Variants in DCLRE1C observed in about 807,000 individuals in gnomAD.
DCLRE1C encodes protein artemis.
Under a neutral mutation model 61.4 loss-of-function variants are expected in DCLRE1C, and 47 were observed. The ratio of observed to expected loss-of-function variants is 0.77; its 90% confidence interval spans 0.61 to 0.98. The LOEUF is 0.98. Among genes scored for constraint, DCLRE1C ranks in the 50% least tolerant of loss-of-function variants. The pLI, the probability that DCLRE1C is intolerant of heterozygous loss-of-function variation, is 0.00. For missense variants in DCLRE1C, 858 were observed against 816.0 expected (o/e 1.05, Z -0.63); for synonymous variants, 337 against 287.6 (o/e 1.17, Z -1.74).
chr10:14,919,670 C>A, intron 13 of DCLRE1C, 68 bp downstream of exon 13: 3 of 1,278,110 alleles, frequency 2.3e-6, no homozygotes, highest in Non-Finnish European at 3.4e-6. Flanking sequence ...TTCTCCCAGA[C>A]CCAAGCTCCC....
At chr10:14,916,040 A>T (rs369049606) in intron 13 of DCLRE1C, among the ~76,000 whole-genome samples, 4 of 152,328 alleles carry the variant, frequency 2.6e-5, no homozygotes, top group Admixed American at 1.3e-4. Flanking sequence ...CGTTAGACAA[A>T]ACCCATTATC....
intron 13 of DCLRE1C, among the ~76,000 whole-genome samples, chr10:14,918,766 T>G (rs899584259): frequency 7.2e-5 from 11 of 151,952 alleles, no homozygotes; most frequent in African/African-American, 2.4e-4. Context: ...ACAAATGTGG[T>G]TTTTTTTGGG....
chr10:14,933,069 C>A (rs543348005), intron 8 of DCLRE1C, 114 bp from the exon 9 acceptor site: 217 of 1,228,422 alleles, frequency 1.8e-4, no homozygotes, highest in Non-Finnish European at 2.4e-4. Flanking sequence ...TCTCTTCTTT[C>A]TTGAAAAGTA....
chr10:14,936,228 T>C (rs1056355498), intron 5 of DCLRE1C, among the ~76,000 whole-genome samples: 1 of 151,922 alleles, frequency 6.6e-6, no homozygotes, highest in African/African-American at 2.4e-5. Flanking sequence ...ACGTTTCAAA[T>C]CTGATCTTCA....
upstream of DCLRE1C, chr10:14,954,317 C>T (rs997752895): frequency 3.9e-5 from 19 of 488,034 alleles, no homozygotes; most frequent in Non-Finnish European, 6.0e-5. Context: ...AAGGCGTTGC[C>T]CATGTCTGTG....
chr10:14,926,211 T>C (rs1837950100), intron 11 of DCLRE1C, among the ~76,000 whole-genome samples: 1 of 152,176 alleles, frequency 6.6e-6, no homozygotes, highest in African/African-American at 2.4e-5. Context: ...AGGCAGAGCA[T>C]TGCCTTGTTC....
chr10:14,952,279 C>A lies in DCLRE1C; in HGVS notation c.109+1623G>T, dbSNP rs115442413. Among the ~76,000 whole-genome samples the A allele has an allele frequency of 2.1e-3, 316 of 152,226 alleles. 1 individual carries two copies. The highest frequency in any genetic ancestry group is 7.2e-3 in the African/African-American group (300 of 41,518). ...GCATATCCTCGTCCAGCAGTGGATT[C>A]TCAATGAAAAACAAAACCAGAAATG... On this transcript the variant is annotated intron_variant, in intron 1 of 13. Transcript: ENST00000378278.
rs753348590 is a variant in DCLRE1C at position 14,949,016 on chromosome 10, C to T, written c.161+20G>A. On this transcript the variant is annotated intron_variant, in intron 2 of 13. Transcript: ENST00000378278. ...CAATTAAAATGTTTGCTTAAAAACA[C>T]AAGTAGCAAAATAAATTACCTGCAC... is the stretch of plus-strand genomic sequence containing the variant. 6.3e-7 allele frequency: 1 copy of T among 1,579,424 alleles called. No homozygotes were observed. Among genetic ancestry groups the T allele is most frequent in the South Asian group, 1.1e-5 (1 of 90,086 alleles).
At chr10:14,936,823 C>T (rs1448828877) in intron 4 of DCLRE1C, among the ~76,000 whole-genome samples, 2 of 152,124 alleles carry the variant, frequency 1.3e-5, no homozygotes, top group African/African-American at 2.4e-5. Flanking sequence ...CCAAGATAAG[C>T]GAAAACCGAT....
At chr10:14,917,109 T>C (rs994048377) in intron 13 of DCLRE1C, among the ~76,000 whole-genome samples, 16 of 152,186 alleles carry the variant, frequency 1.1e-4, no homozygotes, top group African/African-American at 3.1e-4. Context: ...ATCTTGTAAA[T>C]TGACTCTCAA....
At chr10:14,936,445 G>A (rs1222800615) in intron 5 of DCLRE1C, 93 bp downstream of exon 5, 15 of 962,476 alleles carry the variant, frequency 1.6e-5, no homozygotes, top group Non-Finnish European at 2.4e-5. Context: ...ACTGCACCCA[G>A]CCCCCTATTA....
At chr10:14,942,405 C>A (rs1449355247) in intron 3 of DCLRE1C, 6 of 152,246 alleles carry the variant, frequency 3.9e-5, no homozygotes, top group African/African-American at 1.4e-4. Context: ...ATGCCAGAGA[C>A]AACAGGAACA....
At chr10:14,943,035 G>C (rs1235443759) in intron 3 of DCLRE1C, among the ~76,000 whole-genome samples, 3 of 152,194 alleles carry the variant, frequency 2.0e-5, no homozygotes, top group African/African-American at 7.2e-5. Context: ...CGGAGGCAGG[G>C]AGAATTGCTT....
intron 9 of DCLRE1C, among the ~76,000 whole-genome samples, chr10:14,928,376 A>C (rs1838382042): frequency 6.6e-6 from 1 of 152,222 alleles, no homozygotes; most frequent in Admixed American, 6.5e-5. Flanking sequence ...ATCAATGTGA[A>C]GACAAGCAAA....
exon 14 of DCLRE1C, chr10:14,898,607 A>C (rs1002011675): frequency 6.6e-6 from 1 of 152,124 alleles, no homozygotes; most frequent in Non-Finnish European, 1.5e-5. Flanking sequence ...TTGTTAACCA[A>C]AATTTTTTAA....
chr10:14,915,780 C>T (rs965936602), intron 13 of DCLRE1C, among the ~76,000 whole-genome samples: 16 of 152,022 alleles, frequency 1.1e-4, no homozygotes, highest in Non-Finnish European at 1.9e-4. Context: ...CACCTCACAA[C>T]AATGAGGCCA....
In DCLRE1C at chr10:14,923,152, A is replaced by C. The variant is rs572513692; in HGVS notation, c.973-83T>G. The C allele has an allele frequency of 4.7e-5, 50 of 1,065,216 alleles. No individual in the cohort carries two copies. In the East Asian group the frequency reaches 1.0e-3, roughly 22 times the overall value. The allele number at this position is 1,065,216 out of a possible 1,614,324, so 66.0% of individuals were successfully genotyped here. ...GGAGATAAAGGGAGGCTGGGGAAAG[A>C]GAAGCAGAACTCTCTTATGGCTGTG... On this transcript the variant is annotated intron_variant, in intron 11 of 13. Transcript: ENST00000378278.
intron 4 of DCLRE1C, among the ~76,000 whole-genome samples, chr10:14,938,205 A>C (rs536982479): frequency 1.1e-4 from 17 of 152,272 alleles, no homozygotes; most frequent in African/African-American, 4.1e-4. Context: ...GGACTGCTCA[A>C]AAGTCAGCCT....
Position 14,923,127 on chromosome 10 carries a change from G to A in DCLRE1C, c.973-58C>T, listed in dbSNP as rs964540760. ...CTCTACGATGAAACAGGTTGTTAGG[G>A]GAGATAAAGGGAGGCTGGGGAAAGA... is the stretch of plus-strand genomic sequence containing the variant. On this transcript the variant is annotated intron_variant, in intron 11 of 13. Coordinates refer to ENST00000378278, the MANE Select transcript of DCLRE1C (RefSeq NM_001033855.3). The A allele has an allele frequency of 1.1e-5, 14 of 1,265,836 alleles. No homozygotes were observed. The Admixed American group carries it at 2.2e-4, about 20-fold the overall frequency. 78.4% of individuals were successfully genotyped at this position (1,265,836 alleles called of 1,614,324 possible). A position where few individuals can be genotyped will look rare whatever the true frequency, so the allele number is the denominator to read the frequency against.
Sources: allele counts gnomAD v4.1 joint callset (sites outside exome capture counted in the v4.1 genomes callset), GRCh38; gene constraint gnomAD v4.1.1; transcripts MANE v1.5; gene names NCBI Gene and HGNC (gene_info 2026-07-23, HGNC 2026-07-21).